Variants in FREM1 observed in about 807,000 individuals in gnomAD.
FREM1 encodes FRAS1-related extracellular matrix protein 1.
FREM1 carries 220 observed loss-of-function variants against 210.1 expected under a neutral mutation model. The observed-to-expected ratio is 1.05, with a 90% CI of 0.94 to 1.17. The LOEUF is 1.17. Ranked by LOEUF, FREM1 falls within the 50% of genes most tolerant of loss-of-function variation. The pLI, the probability that FREM1 is intolerant of heterozygous loss-of-function variation, is 0.00. For synonymous variants in FREM1, 1,189 were observed against 980.2 expected, an observed-to-expected ratio of 1.21 and a Z score of -3.98; for missense variants, 3,454 against 2,675.5, an observed-to-expected ratio of 1.29 and a Z score of -6.42.
chr9:14,900,253 T>C (rs1335174811), intron 1 of FREM1, among the ~76,000 whole-genome samples: 1 of 152,222 alleles, frequency 6.6e-6, no homozygotes, highest in Non-Finnish European at 1.5e-5. Flanking sequence ...ATTTAATTTG[T>C]CTGAGTGGGG....
chr9:14,750,859 G>A (rs1312290079), intron 29 of FREM1, among the ~76,000 whole-genome samples: 1 of 152,136 alleles, frequency 6.6e-6, no homozygotes, highest in East Asian at 1.9e-4. Flanking sequence ...TGGGCTGGGG[G>A]TTCTAGAAAT....
intron 13 of FREM1, 60 bp from the exon 14 acceptor site, chr9:14,819,502 G>T: frequency 1.0e-6 from 1 of 993,434 alleles, no homozygotes; most frequent in Non-Finnish European, 1.5e-6. Context: ...TGAAGACAGA[G>T]CTCATTACAT....
At chr9:14,863,015 G>A (rs899714805) in intron 3 of FREM1, among the ~76,000 whole-genome samples, 8 of 151,774 alleles carry the variant, frequency 5.3e-5, no homozygotes, top group Non-Finnish European at 8.8e-5. Context: ...TGTCTCCTAC[G>A]GTCATTCCAT....
chr9:14,830,994 G>A (rs1197788119), intron 10 of FREM1, among the ~76,000 whole-genome samples: 2 of 152,150 alleles, frequency 1.3e-5, no homozygotes, highest in African/African-American at 4.8e-5. Context: ...GTTGGCTACC[G>A]TACTCAAGTC....
At chr9:14,758,601 A>C (rs1287471521) in intron 28 of FREM1, among the ~76,000 whole-genome samples, 1 of 149,714 alleles carries the variant, frequency 6.7e-6, no homozygotes, top group East Asian at 2.0e-4. Context: ...ATTTGAGTTC[A>C]TTATTAAATT....
intron 1 of FREM1, among the ~76,000 whole-genome samples, chr9:14,878,274 C>A (rs182034722): frequency 6.6e-6 from 1 of 152,068 alleles, no homozygotes; most frequent in South Asian, 2.1e-4. Flanking sequence ...GACCCTGTCC[C>A]AGCCACTCTA....
At chr9:14,762,755 A>ATTTTTTTTTTTTTTTTTTTTTTTTT (rs34136678) in intron 27 of FREM1, among the ~76,000 whole-genome samples, 1 of 137,926 alleles carries the variant, frequency 7.3e-6, no homozygotes, top group Non-Finnish European at 1.5e-5. Flanking sequence ...TTTGAATGTG[A>ATTTTTTTTTTTTTTTTTTTTTTTTT]TTTTTTTTTT....
At chr9:14,788,698 T>A (rs558763789) in intron 23 of FREM1, among the ~76,000 whole-genome samples, 57 of 152,164 alleles carry the variant, frequency 3.7e-4, no homozygotes, top group African/African-American at 1.3e-3. Flanking sequence ...ATAAACTTTT[T>A]AAAATAACGA....
chr9:14,848,981 T>C (rs1827183456), intron 6 of FREM1, among the ~76,000 whole-genome samples: 1 of 152,208 alleles, frequency 6.6e-6, no homozygotes. Context: ...TTAAATTTTC[T>C]TCTACATAAA....
intron 35 of FREM1, among the ~76,000 whole-genome samples, chr9:14,745,155 C>G (rs768597747): frequency 4.9e-4 from 75 of 152,172 alleles, no homozygotes; most frequent in Non-Finnish European, 9.7e-4. Context: ...GGAAAAATCA[C>G]TAATGAGTAA....
chr9:14,893,317 C>G (rs1219606499), intron 1 of FREM1, among the ~76,000 whole-genome samples: 1 of 152,164 alleles, frequency 6.6e-6, no homozygotes, highest in African/African-American at 2.4e-5. Context: ...ATTTGTCTTT[C>G]CATATCTTTC....
intron 24 of FREM1, among the ~76,000 whole-genome samples, chr9:14,778,191 T>C (rs1010817065): frequency 6.6e-6 from 1 of 152,140 alleles, no homozygotes; most frequent in Admixed American, 6.6e-5. Flanking sequence ...AATCACATAA[T>C]TTTCTCAAAA....
chr9:14,823,017 C>CT (rs946666921), intron 13 of FREM1, 143 bp downstream of exon 13: 99 of 522,522 alleles, frequency 1.9e-4, no homozygotes, highest in Middle Eastern at 5.1e-4. Context: ...CTTTTTTCTT[C>CT]TTTTTTTTAC....
chr9:14,757,775 A>G (rs943566506), intron 28 of FREM1, among the ~76,000 whole-genome samples: 8 of 152,176 alleles, frequency 5.3e-5, no homozygotes, highest in Non-Finnish European at 8.8e-5. Context: ...GTCCATTTCA[A>G]ATCAAAGGCC....
Position 14,747,665 on chromosome 9 carries a change from C to A in FREM1, c.5844+16G>T, listed in dbSNP as rs1842713435. Reference sequence around the variant, plus strand: ...CATAAATATAAGAAATTTAGCAATTCTGTGACTACACTTACATTATAGATG... The same window carrying A: ...CATAAATATAAGAAATTTAGCAATTATGTGACTACACTTACATTATAGATG... On this transcript the variant is annotated intron_variant, in intron 32 of 36. Coordinates refer to ENST00000380880, the MANE Select transcript of FREM1 (RefSeq NM_001379081.2). 2 of 1,465,956 alleles carry A rather than the reference C, an allele frequency of 1.4e-6. No homozygotes were observed. The highest frequency in any genetic ancestry group is 9.2e-7 in the Non-Finnish European group (1 of 1,087,362). The allele number at this position is 1,465,956 out of a possible 1,614,324, so 90.8% of individuals were successfully genotyped here.
intron 15 of FREM1, among the ~76,000 whole-genome samples, 197 bp from the exon 16 acceptor site, chr9:14,813,261 T>G (rs1044370094): frequency 1.3e-5 from 2 of 152,188 alleles, no homozygotes; most frequent in African/African-American, 4.8e-5. Context: ...AAATGCCCCA[T>G]GTGACAGACA....
intron 23 of FREM1, among the ~76,000 whole-genome samples, chr9:14,787,635 G>C (rs2132937280): frequency 6.6e-6 from 1 of 152,142 alleles, no homozygotes; most frequent in South Asian, 2.1e-4. Context: ...GTGACTCTAA[G>C]GCCTTCAGAA....
chr9:14,819,724 G>C (rs1372668741), intron 13 of FREM1, among the ~76,000 whole-genome samples: 1 of 152,116 alleles, frequency 6.6e-6, no homozygotes, highest in African/African-American at 2.4e-5. Context: ...AGTAGAATTG[G>C]CAATCATTAC....
intron 21 of FREM1, among the ~76,000 whole-genome samples, chr9:14,793,828 A>G (rs1353042404): frequency 6.6e-6 from 1 of 152,174 alleles, no homozygotes; most frequent in Non-Finnish European, 1.5e-5. Flanking sequence ...CTCAGTTCCA[A>G]CAACTTTCAC....
Sources: gnomAD v4.1 joint callset for allele counts (sites outside exome capture counted in the v4.1 genomes callset) on GRCh38, gnomAD v4.1.1 for gene constraint, MANE v1.5 for transcripts, NCBI Gene and HGNC (gene_info 2026-07-23, HGNC 2026-07-21) for gene names.